The following SGMS1 variants were observed in gnomAD, a reference collection of about 807,000 sequenced individuals.
The protein encoded by SGMS1 is phosphatidylcholine:ceramide cholinephosphotransferase 1.
SGMS1 carries 13 observed loss-of-function variants against 46.2 expected under a neutral mutation model. The observed-to-expected ratio is 0.28, with a 90% CI of 0.18 to 0.45. The LOEUF (loss-of-function observed/expected upper bound fraction) is 0.45. Ranked by LOEUF, SGMS1 falls within the 20% of genes least tolerant of loss-of-function variation. The pLI, the probability that SGMS1 is intolerant of heterozygous loss-of-function variation, is 1.00. For missense variants in SGMS1, 324 were observed against 519.9 expected, an observed-to-expected ratio of 0.62 and a Z score of 3.66; for synonymous variants, 203 against 187.8, an observed-to-expected ratio of 1.08 and a Z score of -0.66.
intron 2 of SGMS1, among the ~76,000 whole-genome samples, chr10:50,556,437 G>A (rs903767932): frequency 6.6e-6 from 1 of 152,188 alleles, no homozygotes; most frequent in Non-Finnish European, 1.5e-5. Flanking sequence ...CATTCCAAAG[G>A]GGACATGTGA....
At chr10:50,539,422 ATCTATATGC>A (rs1276136705) in intron 2 of SGMS1, among the ~76,000 whole-genome samples, 1 of 152,232 alleles carries the variant, frequency 6.6e-6, no homozygotes, top group Non-Finnish European at 1.5e-5. Context: ...TTCTGATAAC[ATCTATATGC>A]TCAGGTGAGA....
At chr10:50,534,675 T>G (rs73318727) in intron 2 of SGMS1, among the ~76,000 whole-genome samples, 2 of 152,342 alleles carry the variant, frequency 1.3e-5, no homozygotes, top group South Asian at 2.1e-4. Context: ...CATAGTTGAA[T>G]AGTATGCAGC....
intron 3 of SGMS1, among the ~76,000 whole-genome samples, chr10:50,469,262 C>T (rs1260747576): frequency 6.6e-6 from 1 of 152,174 alleles, no homozygotes; most frequent in East Asian, 1.9e-4. Context: ...CTTTTGCTAT[C>T]TTCCCAAGTA....
At chr10:50,624,128 C>A (rs1054593401), upstream of SGMS1, 1 of 985,272 alleles carries the variant, frequency 1.0e-6, no homozygotes. Context: ...GCAGTTTGGG[C>A]CCCTTGAATT....
chr10:50,428,685 C>A (rs1404025748), intron 6 of SGMS1, among the ~76,000 whole-genome samples: 1 of 152,172 alleles, frequency 6.6e-6, no homozygotes, highest in African/African-American at 2.4e-5. Context: ...CTCAGCAGTG[C>A]CTGAACTACA....
chr10:50,363,338 G>A (rs779287110), intron 6 of SGMS1, among the ~76,000 whole-genome samples: 1 of 152,268 alleles, frequency 6.6e-6, no homozygotes, highest in South Asian at 2.1e-4. Flanking sequence ...GCCAGCAAAG[G>A]GGAAAGAAGC....
In SGMS1 at chr10:50,527,157, C is replaced by T. The variant is rs144805748; in HGVS notation, c.-588-7236G>A. Among the ~76,000 whole-genome samples, 462 of 151,980 alleles carry T rather than the reference C, an allele frequency of 3.0e-3. 2 individuals carry two copies. The highest frequency in any genetic ancestry group is 0.011 in the African/African-American group (445 of 41,424). Reference sequence around the variant, plus strand: ...GCAGCTCATCCACAGCCATCCACTCCGTAAGTAGACATTGACGGTGTGCCC... The same window carrying T: ...GCAGCTCATCCACAGCCATCCACTCTGTAAGTAGACATTGACGGTGTGCCC... On this transcript the variant is annotated intron_variant, in intron 2 of 10. Coordinates refer to ENST00000361781, the MANE Select transcript of SGMS1 (RefSeq NM_147156.4).
chr10:50,453,173 G>T (rs893464580), intron 5 of SGMS1, among the ~76,000 whole-genome samples: 1 of 151,872 alleles, frequency 6.6e-6, no homozygotes, highest in Non-Finnish European at 1.5e-5. Flanking sequence ...AAAATATTTC[G>T]AATACTAGAA....
chr10:50,607,386 C>T (rs1838707718), intron 1 of SGMS1, among the ~76,000 whole-genome samples: 1 of 152,114 alleles, frequency 6.6e-6, no homozygotes, highest in African/African-American at 2.4e-5. Flanking sequence ...GGAAAGCAGT[C>T]AATTGTTGAA....
chr10:50,361,470 G>A (rs12356013), intron 6 of SGMS1, among the ~76,000 whole-genome samples: 7,683 of 152,216 alleles, frequency 0.05, 285 homozygotes, highest in Non-Finnish European at 0.07. Context: ...ATATGCAGTC[G>A]TCAGGACTGT....
intron 5 of SGMS1, among the ~76,000 whole-genome samples, chr10:50,457,483 G>A (rs762567066): frequency 3.9e-5 from 6 of 152,088 alleles, no homozygotes; most frequent in Non-Finnish European, 7.4e-5. Flanking sequence ...CGGGTAGGTT[G>A]TGTGTTGCTG....
intron 9 of SGMS1, among the ~76,000 whole-genome samples, chr10:50,310,082 A>T (rs939466801): frequency 1.3e-5 from 2 of 152,148 alleles, no homozygotes; most frequent in African/African-American, 4.8e-5. Flanking sequence ...CACCCGATCT[A>T]CATCAGCTGA....
rs192158848 is a variant in SGMS1, at chr10:50,344,186, G to C, written c.-72C>G. On this transcript the variant is annotated 5_prime_UTR_variant, in exon 7 of 11. Coordinates refer to ENST00000361781, the MANE Select transcript of SGMS1 (RefSeq NM_147156.4). The stretch of plus-strand genomic sequence containing the variant: ...AGCAGTCACTGTTCCGACAGGGCAG[G>C]ACACTGTCCTGCCTCGGCTCGTTCA... 2.6e-6 allele frequency: 4 copies of C among 1,511,212 alleles called. No individual in the cohort carries two copies. The highest frequency in any genetic ancestry group is 3.5e-6 in the Non-Finnish European group (4 of 1,138,402). 93.6% of individuals were successfully genotyped at this position (1,511,212 alleles called of 1,614,324 possible). A position where few individuals can be genotyped will look rare whatever the true frequency, so the allele number is the denominator to read the frequency against.
At chr10:50,555,135 G>A (rs757948350) in intron 2 of SGMS1, among the ~76,000 whole-genome samples, 12 of 152,190 alleles carry the variant, frequency 7.9e-5, no homozygotes, top group Admixed American at 2.0e-4. Flanking sequence ...GCAAGAAAGA[G>A]GCCAAGGCTT....
chr10:50,503,045 A>T (rs1393675025), intron 3 of SGMS1, among the ~76,000 whole-genome samples: 1 of 152,206 alleles, frequency 6.6e-6, no homozygotes, highest in Non-Finnish European at 1.5e-5. Flanking sequence ...ATTTTCTCCA[A>T]CCCTACCTAG....
chr10:50,485,594 C>T (rs1198914380), intron 3 of SGMS1, among the ~76,000 whole-genome samples: 2 of 152,058 alleles, frequency 1.3e-5, no homozygotes, highest in African/African-American at 2.4e-5. Flanking sequence ...GCCAAGACAA[C>T]CCTAAGCAAA....
chr10:50,327,739 T>C (rs1383756612), intron 7 of SGMS1, among the ~76,000 whole-genome samples: 1 of 152,226 alleles, frequency 6.6e-6, no homozygotes, highest in Non-Finnish European at 1.5e-5. Flanking sequence ...AGAATGAGAA[T>C]TTAAAACTTT....
chr10:50,526,170 C>T (rs1179956941), intron 2 of SGMS1, among the ~76,000 whole-genome samples: 1 of 152,180 alleles, frequency 6.6e-6, no homozygotes, highest in Non-Finnish European at 1.5e-5. Context: ...AACTGACTCA[C>T]AGTTCCACAA....
rs78454025 is a variant in SGMS1, at chr10:50,329,439, G to C, written c.624-2117C>G. On this transcript the variant is annotated intron_variant, in intron 7 of 10. Coordinates refer to ENST00000361781, the MANE Select transcript of SGMS1 (RefSeq NM_147156.4). ...AACAATAAGGTGACAAGTTAGAAGTGGTTGTTTTTAAGAATTTTCTGCTCT... is the reference window on the plus strand; with the variant it reads ...AACAATAAGGTGACAAGTTAGAAGTCGTTGTTTTTAAGAATTTTCTGCTCT... Among the ~76,000 whole-genome samples the C allele has an allele frequency of 3.0e-3, 455 of 152,256 alleles. 3 individuals carry two copies. Among genetic ancestry groups the C allele is most frequent in the African/African-American group, 0.01 (436 of 41,534 alleles).
Sources: allele counts gnomAD v4.1 joint callset (sites outside exome capture counted in the v4.1 genomes callset), GRCh38; gene constraint gnomAD v4.1.1; transcripts MANE v1.5; gene names NCBI Gene and HGNC (gene_info 2026-07-23, HGNC 2026-07-21).